Variants in PARD3B observed in about 807,000 individuals in gnomAD.
PARD3B encodes par-3 family cell polarity regulator beta, also known as partitioning defective 3 homolog B.
Under a neutral mutation model 130.2 loss-of-function variants are expected in PARD3B, and 103 were observed. The ratio of observed to expected loss-of-function variants is 0.79; its 90% CI spans 0.67 to 0.93. The LOEUF (loss-of-function observed/expected upper bound fraction) is 0.93. Among genes scored for constraint, PARD3B ranks in the 40% least tolerant of loss-of-function variants. The pLI, the probability that PARD3B is intolerant of heterozygous loss-of-function variation, is 0.00. For missense variants in PARD3B, 1,609 were observed against 1,499.2 expected, an observed-to-expected ratio of 1.07 and a Z score of -1.21; for synonymous variants, 583 against 553.2, an observed-to-expected ratio of 1.05 and a Z score of -0.76.
In PARD3B at chr2:205,300,764, T is replaced by G. The variant is rs1249263745; in HGVS notation, c.2392+28T>G. The G allele has an allele frequency of 1.9e-6, 3 of 1,587,290 alleles. No homozygotes were observed. Among genetic ancestry groups the G allele is most frequent in the South Asian group, 2.2e-5 (2 of 90,204 alleles). On this transcript the variant is annotated intron_variant, in intron 17 of 22. Transcript: ENST00000406610. The surrounding 1 kb of genome is among the most constrained non-coding windows in gnomAD (Gnocchi z 4.1). ...AGGATGATATGCTTCCTTAAATGGCTTCTTCATCTCATTATTATCTGCAAA... is the reference window on the plus strand; with the variant it reads ...AGGATGATATGCTTCCTTAAATGGCGTCTTCATCTCATTATTATCTGCAAA...
intron 4 of PARD3B, among the ~76,000 whole-genome samples, chr2:205,067,353 G>C (rs897328267): frequency 2.0e-5 from 3 of 151,872 alleles, no homozygotes; most frequent in Non-Finnish European, 2.9e-5. Flanking sequence ...TGTAGAGATA[G>C]AGGTTTCACT....
At chr2:205,402,100 A>G (rs920006442) in intron 19 of PARD3B, among the ~76,000 whole-genome samples, 1 of 152,112 alleles carries the variant, frequency 6.6e-6, no homozygotes. Context: ...TTTGACCCCT[A>G]TTTTGTAGTC....
intron 4 of PARD3B, among the ~76,000 whole-genome samples, chr2:205,049,997 A>G (rs977987583): frequency 2.6e-5 from 4 of 151,988 alleles, no homozygotes; most frequent in Admixed American, 2.0e-4. Flanking sequence ...AATCTCCATG[A>G]ATACTTTAAG....
intron 2 of PARD3B, among the ~76,000 whole-genome samples, chr2:204,797,805 A>G (rs1359127292): frequency 1.3e-5 from 2 of 152,206 alleles, no homozygotes; most frequent in Admixed American, 1.3e-4. Context: ...CATTGAACCA[A>G]TGAGATAGGA....
intron 2 of PARD3B, among the ~76,000 whole-genome samples, chr2:204,779,655 T>C (rs2041769316): frequency 6.6e-6 from 1 of 152,150 alleles, no homozygotes; most frequent in Admixed American, 6.6e-5. Flanking sequence ...CTGTATTAAA[T>C]AACCAGGGCT....
intron 4 of PARD3B, among the ~76,000 whole-genome samples, chr2:205,074,615 T>G (rs574743802): frequency 6.6e-6 from 1 of 152,182 alleles, no homozygotes; most frequent in East Asian, 1.9e-4. Context: ...GGCTGTCTGA[T>G]GTATCAAAGA....
intron 16 of PARD3B, among the ~76,000 whole-genome samples, chr2:205,250,275 G>A (rs2039784372): frequency 6.6e-6 from 1 of 151,020 alleles, no homozygotes; most frequent in African/African-American, 2.4e-5. Context: ...GTTTTAATAT[G>A]TATTGACTGT....
chr2:204,818,294 A>G (rs185689451), intron 2 of PARD3B, among the ~76,000 whole-genome samples: 1 of 152,322 alleles, frequency 6.6e-6, no homozygotes, highest in African/African-American at 2.4e-5. Context: ...AGGAGTAAGT[A>G]GAAATGTTAG....
intron 21 of PARD3B, among the ~76,000 whole-genome samples, chr2:205,532,824 C>G (rs2051661307): frequency 6.6e-6 from 1 of 152,152 alleles, no homozygotes; most frequent in African/African-American, 2.4e-5. Context: ...CTCATAGGAG[C>G]ATATGACACC....
intron 15 of PARD3B, among the ~76,000 whole-genome samples, chr2:205,223,830 T>G (rs886120574): frequency 3.3e-5 from 5 of 152,208 alleles, no homozygotes; most frequent in Admixed American, 6.5e-5. Context: ...ATGGGGTACA[T>G]GAGATGTTTT....
At chr2:204,948,057 A>G (rs925990620) in intron 2 of PARD3B, among the ~76,000 whole-genome samples, 1 of 152,168 alleles carries the variant, frequency 6.6e-6, no homozygotes, top group Non-Finnish European at 1.5e-5. Context: ...ACTTAGGAAT[A>G]CTTCCTGTTG....
chr2:205,614,687 C>T (rs979114269), intron 22 of PARD3B, among the ~76,000 whole-genome samples: 2 of 148,928 alleles, frequency 1.3e-5, no homozygotes, highest in African/African-American at 5.0e-5. Context: ...GCCTGGGTGA[C>T]AGAATGAGAC....
chr2:205,282,931 A>C (rs2041246762), intron 16 of PARD3B, among the ~76,000 whole-genome samples: 1 of 152,210 alleles, frequency 6.6e-6, no homozygotes, highest in South Asian at 2.1e-4. Context: ...CTTAGTTCTG[A>C]CTGATCAATA....
chr2:204,575,241 C>T (rs906051954), intron 1 of PARD3B, among the ~76,000 whole-genome samples: 1 of 152,094 alleles, frequency 6.6e-6, no homozygotes, highest in African/African-American at 2.4e-5. Context: ...CTGTGTGTCT[C>T]CTAATGCTGT....
chr2:205,138,369 G>C (rs879390034), intron 10 of PARD3B, among the ~76,000 whole-genome samples: 6 of 152,062 alleles, frequency 3.9e-5, no homozygotes, highest in Admixed American at 2.0e-4. Flanking sequence ...TCTTATGCTG[G>C]ACACCAGTCT....
At chr2:205,561,828 G>C (rs2053147362) in intron 22 of PARD3B, among the ~76,000 whole-genome samples, 1 of 152,284 alleles carries the variant, frequency 6.6e-6, no homozygotes, top group African/African-American at 2.4e-5. Context: ...ATATGACGGG[G>C]TTTACTGCCT....
intron 1 of PARD3B, among the ~76,000 whole-genome samples, chr2:204,615,645 C>T (rs1045574867): frequency 2.0e-5 from 3 of 152,138 alleles, no homozygotes; most frequent in Admixed American, 6.6e-5. Context: ...CTTGAAGCGA[C>T]AGGCTTACTG....
chr2:204,676,841 T>A (rs2036573566), intron 1 of PARD3B, among the ~76,000 whole-genome samples: 1 of 151,918 alleles, frequency 6.6e-6, no homozygotes, highest in African/African-American at 2.4e-5. Context: ...AGCTAATTTT[T>A]ATATTTTTAG....
chr2:204,792,923 G>T (rs1202008928), intron 2 of PARD3B, among the ~76,000 whole-genome samples: 2 of 150,010 alleles, frequency 1.3e-5, no homozygotes, highest in African/African-American at 2.5e-5. Flanking sequence ...TTATAGACCC[G>T]TTCATCACCT....
Sources: allele counts gnomAD v4.1 joint callset (sites outside exome capture counted in the v4.1 genomes callset), GRCh38; gene constraint gnomAD v4.1.1; non-coding constraint Gnocchi (gnomAD v3.1); transcripts MANE v1.5; gene names NCBI Gene and HGNC (gene_info 2026-07-23, HGNC 2026-07-21).